The following SLC26A7 variants were observed in gnomAD, a reference collection of about 807,000 sequenced individuals.
SLC26A7 encodes the protein anion exchange transporter.
In SLC26A7, 59 loss-of-function variants were observed where a neutral mutation model predicts 82.5. That is an observed-to-expected ratio of 0.72 (90% CI 0.58 to 0.89). The LOEUF (loss-of-function observed/expected upper bound fraction) is 0.89. Ranked by LOEUF, SLC26A7 falls within the 40% of genes least tolerant of loss-of-function variation. The pLI is 0.00. For missense variants in SLC26A7, 820 were observed against 793.0 expected, an observed-to-expected ratio of 1.03 and a Z score of -0.41; for synonymous variants, 271 against 274.3, an observed-to-expected ratio of 0.99 and a Z score of 0.12.
chr8:91,388,311 A>G (rs1036209804), intron 15 of SLC26A7, among the ~76,000 whole-genome samples: 3 of 151,634 alleles, frequency 2.0e-5, no homozygotes, highest in Non-Finnish European at 2.9e-5. Flanking sequence ...CAGTGGCGGG[A>G]TCTCGGCTCA....
chr8:91,363,624 A>G (rs1334271961), intron 13 of SLC26A7, 86 bp downstream of exon 13: 3 of 726,734 alleles, frequency 4.1e-6, no homozygotes, highest in Non-Finnish European at 6.6e-6. Flanking sequence ...AATTAGATAA[A>G]TTATGATAGT....
Position 91,295,573 on chromosome 8 carries a change from A to T in SLC26A7, c.347A>T (p.Glu116Val). Residue 116 changes from glutamate (E) to valine (V), a missense_variant, in exon 4 of 19, where the codon GAA (glutamate) becomes GTA (valine). By Grantham distance (121) the Glu-to-Val change is moderately radical (BLOSUM62 -2). Coordinates refer to ENST00000276609, the MANE Select transcript of SLC26A7 (RefSeq NM_052832.4). ...LTSLISANAV[E>V]RIVPQNMQNL... ...TCCTTAATATCAGCCAACGCCGTGG[A>T]ACGGATTGTCCCTCAGAACATGCAG... 1 of 1,613,918 alleles carries T rather than the reference A, an allele frequency of 6.2e-7. No homozygotes were observed. Among genetic ancestry groups the T allele is most frequent in the South Asian group, 1.1e-5 (1 of 91,016 alleles).
At chr8:91,238,505 G>C (rs559612664) in intron 2 of SLC26A7, among the ~76,000 whole-genome samples, 90 of 150,418 alleles carry the variant, frequency 6.0e-4, no homozygotes, top group Admixed American at 2.1e-3. Flanking sequence ...ATCTACACAA[G>C]ACTTGATTAG....
At chr8:91,254,791 A>G (rs1392362403) in intron 2 of SLC26A7, among the ~76,000 whole-genome samples, 1 of 152,192 alleles carries the variant, frequency 6.6e-6, no homozygotes, top group Admixed American at 6.6e-5. Context: ...AAATATTTTT[A>G]ACATTTGGCA....
chr8:91,302,753 C>T (rs2130786611), intron 4 of SLC26A7, among the ~76,000 whole-genome samples: 2 of 151,670 alleles, frequency 1.3e-5, no homozygotes, highest in Middle Eastern at 3.4e-3. Flanking sequence ...TGCTTTTTGT[C>T]ACTATGAGTT....
intron 2 of SLC26A7, among the ~76,000 whole-genome samples, chr8:91,281,567 T>A (rs984429408): frequency 6.6e-6 from 1 of 152,218 alleles, no homozygotes. Flanking sequence ...CTGCCTGTAT[T>A]TTCATGTTCA....
chr8:91,343,247 A>G (rs1283623994), intron 8 of SLC26A7, 106 bp from the exon 9 acceptor site: 2 of 698,672 alleles, frequency 2.9e-6, no homozygotes, highest in African/African-American at 1.8e-5. Context: ...GGTGGGGAGA[A>G]CAAAATCTGA....
At chr8:91,279,305 A>G (rs1306531232) in intron 2 of SLC26A7, among the ~76,000 whole-genome samples, 11 of 151,872 alleles carry the variant, frequency 7.2e-5, no homozygotes, top group African/African-American at 2.4e-4. Flanking sequence ...TTCTTTGGAT[A>G]TATGCCCAGT....
At chr8:91,236,366 C>T (rs1810393054) in intron 2 of SLC26A7, among the ~76,000 whole-genome samples, 1 of 152,114 alleles carries the variant, frequency 6.6e-6, no homozygotes, top group Admixed American at 6.5e-5. Flanking sequence ...TCCAAAGTCC[C>T]TCTGAGTAAT....
Position 91,338,210 on chromosome 8 carries a change from G to C in SLC26A7, c.856G>C (p.Val286Leu), listed in dbSNP as rs955354624. 1 of 1,608,820 alleles carries C rather than the reference G, an allele frequency of 6.2e-7. No individual in the cohort carries two copies. The highest frequency in any genetic ancestry group is 1.1e-5 in the South Asian group (1 of 89,918). Residue 286 changes from valine to leucine, a missense_variant, in exon 7 of 19, where the codon GTA becomes CTA. Val to Leu is a conservative substitution (Grantham distance 32). Transcript: ENST00000276609. ...TNMENTYGLE[V>L]VGHIPQGIPS... ...TATGGAAAACACATATGGATTAGAA[G>C]TAGTTGGTCATATTCCACAAGGGTA...
intron 8 of SLC26A7, 147 bp from the exon 9 acceptor site, chr8:91,343,206 C>T (rs1813466696): frequency 3.4e-6 from 2 of 581,372 alleles, no homozygotes; most frequent in Non-Finnish European, 6.1e-6. Context: ...TAAATGTTAG[C>T]TATTTGTATT....
intron 13 of SLC26A7, among the ~76,000 whole-genome samples, chr8:91,365,689 G>A (rs1246463608): frequency 6.6e-6 from 1 of 152,186 alleles, no homozygotes; most frequent in Non-Finnish European, 1.5e-5. Flanking sequence ...TTTTGGAAAT[G>A]AGGGAACTGA....
At chr8:91,239,358 A>T (rs1304583023) in intron 2 of SLC26A7, among the ~76,000 whole-genome samples, 2 of 137,700 alleles carry the variant, frequency 1.5e-5, no homozygotes, top group African/African-American at 5.6e-5. Flanking sequence ...CCTGGGCGAC[A>T]GAGCGAGACT....
chr8:91,318,315 T>C lies in SLC26A7; in HGVS notation c.577T>C (p.Ser193Pro). 1 of 1,612,542 alleles carries C rather than the reference T, an allele frequency of 6.2e-7. No homozygotes were observed. Among genetic ancestry groups the C allele is most frequent in the Non-Finnish European group, 8.5e-7 (1 of 1,179,222 alleles). Residue 193 changes from serine (S) to proline (P), a missense_variant, in exon 5 of 19, where the codon TCA becomes CCA. By Grantham distance (74) the Ser-to-Pro change is moderately conservative. Coordinates refer to ENST00000276609, the MANE Select transcript of SLC26A7 (RefSeq NM_052832.4). ...TTGAATHVVT[S>P]QVKYLLGMKM... ...TGGGGCTGCCACCCATGTGGTGACT[T>C]CACAAGTCAAATATCTCTTGGGAAT...
chr8:91,249,920 C>G, intron 2 of SLC26A7, 76 bp downstream of exon 2: 1 of 1,109,138 alleles, frequency 9.0e-7, no homozygotes, highest in South Asian at 2.7e-5. Flanking sequence ...ATACTATGAC[C>G]TAGAATAAAC....
intron 2 of SLC26A7, among the ~76,000 whole-genome samples, chr8:91,277,372 C>T (rs541814797): frequency 6.6e-6 from 1 of 152,124 alleles, no homozygotes; most frequent in African/African-American, 2.4e-5. Flanking sequence ...ATACTGCATC[C>T]CCATTTGCAT....
At chr8:91,326,898 C>T (rs1179784837) in intron 5 of SLC26A7, among the ~76,000 whole-genome samples, 2 of 152,116 alleles carry the variant, frequency 1.3e-5, no homozygotes, top group African/African-American at 2.4e-5. Context: ...TGCATCACGC[C>T]AACTTCTGCC....
intron 3 of SLC26A7, among the ~76,000 whole-genome samples, chr8:91,292,412 A>G (rs978447799): frequency 6.6e-6 from 1 of 152,130 alleles, no homozygotes; most frequent in Non-Finnish European, 1.5e-5. Flanking sequence ...GGACATAGGG[A>G]CTGAGTGTCA....
At chr8:91,375,129 T>C (rs1814474258) in intron 15 of SLC26A7, among the ~76,000 whole-genome samples, 1 of 152,020 alleles carries the variant, frequency 6.6e-6, no homozygotes, top group Non-Finnish European at 1.5e-5. Context: ...CTGTGAGTGT[T>C]GTTACACAAA....
Sources: allele counts gnomAD v4.1 joint callset (sites outside exome capture counted in the v4.1 genomes callset), GRCh38; gene constraint gnomAD v4.1.1; transcripts MANE v1.5; gene names NCBI Gene and HGNC (gene_info 2026-07-23, HGNC 2026-07-21).